Variants in PAPOLG observed in about 807,000 individuals in gnomAD.
The protein encoded by PAPOLG is PAP-gamma.
A neutral mutation model predicts 99.0 loss-of-function variants in PAPOLG; 40 were observed. The ratio of observed to expected loss-of-function variants is 0.40; its 90% CI spans 0.31 to 0.53. The LOEUF is 0.53. Among genes scored for constraint, PAPOLG ranks in the 20% least tolerant of loss-of-function variants. PAPOLG has a pLI of 0.41. For synonymous variants in PAPOLG, 310 were observed against 299.3 expected (o/e 1.04, Z -0.37); for missense variants, 675 against 884.1 (o/e 0.76, Z 3.00).
rs1671608452 is a variant in PAPOLG at position 60,793,626 on chromosome 2, G to C, written c.1680-1G>C. 1 of 1,612,808 alleles carries C rather than the reference G, an allele frequency of 6.2e-7. No individual in the cohort carries two copies. ...TGATGATAATTTAACACTTTCATTA[G>C]GAATAGTGCTGAGCCTGCTGCTGTA... is the stretch of plus-strand genomic sequence containing the variant. On this transcript the variant is annotated splice_acceptor_variant, in intron 17 of 21. Coordinates refer to ENST00000238714, the MANE Select transcript of PAPOLG (RefSeq NM_022894.4). LOFTEE classifies it high-confidence loss of function.
intron 3 of PAPOLG, among the ~76,000 whole-genome samples, chr2:60,764,812 G>T (rs185186941): frequency 1.2e-3 from 178 of 152,274 alleles, no homozygotes; most frequent in South Asian, 7.7e-3. Flanking sequence ...AGTGGGCTCA[G>T]AATAAAGTTG....
chr2:60,788,942 C>T (rs1267151809), intron 15 of PAPOLG, among the ~76,000 whole-genome samples: 2 of 151,956 alleles, frequency 1.3e-5, no homozygotes, highest in African/African-American at 2.4e-5. Flanking sequence ...TGCAGTGAGC[C>T]GAGATTGCGC....
In PAPOLG at chr2:60,788,598, G is replaced by C. The variant is rs575172705; in HGVS notation, c.1396+978G>C. On this transcript the variant is annotated intron_variant, in intron 15 of 21. Transcript: ENST00000238714. ...CCTCCCAAAAGTTCTGGGATTACAG[G>C]TGTGAGCCACCTCGCCTGGCTGAAT... Among the ~76,000 whole-genome samples, 4 of 152,286 alleles carry C rather than the reference G, an allele frequency of 2.6e-5. No homozygotes were observed. The East Asian group carries it at 5.8e-4, about 22-fold the overall frequency.
chr2:60,794,736 G>A lies in PAPOLG; in HGVS notation c.2016G>A (p.Lys672=), dbSNP rs202236383. Residue 672 remains lysine, a synonymous_variant, in exon 20 of 22, where the codon AAG becomes AAA. Coordinates refer to ENST00000238714, the MANE Select transcript of PAPOLG (RefSeq NM_022894.4). The part of the protein sequence containing the change: ...EKFIRLESTF[K]DPRTAEERKR... ...TTATTCGACTTGAATCAACATTTAA[G>A]GACCCCCGCACTGCTGAAGAAAGAA... 1.7e-5 allele frequency: 27 copies of A among 1,611,048 alleles called. No individual in the cohort carries two copies. Among genetic ancestry groups the A allele is most frequent in the Admixed American group, 5.0e-5 (3 of 59,936 alleles).
intron 21 of PAPOLG, among the ~76,000 whole-genome samples, chr2:60,795,678 T>G (rs186146395): frequency 1.6e-4 from 24 of 150,694 alleles, no homozygotes; most frequent in African/African-American, 5.6e-4. Flanking sequence ...ATGATGATAA[T>G]TATAAATTAT....
intron 5 of PAPOLG, among the ~76,000 whole-genome samples, chr2:60,769,284 A>C (rs761861121): frequency 6.6e-6 from 1 of 152,228 alleles, no homozygotes; most frequent in Non-Finnish European, 1.5e-5. Context: ...TATTATGTGT[A>C]AGGTTCAGTT....
rs767049879 is a variant in PAPOLG at position 60,792,158 on chromosome 2, G to A, written c.1548G>A (p.Ser516=). The A allele has an allele frequency of 1.1e-5, 18 of 1,591,442 alleles. No homozygotes were observed. The highest frequency in any genetic ancestry group is 8.1e-5 in the South Asian group (7 of 86,158). ...KQSLSDVNRS[S]GGLQSKRLSL... is the part of the protein sequence containing the mutation. Reference sequence around the variant, plus strand: ...GTCTCTCTGATGTCAATCGAAGCTCGGGCGGACTTCAATCCAAAAGATTGT... The same window carrying A: ...GTCTCTCTGATGTCAATCGAAGCTCAGGCGGACTTCAATCCAAAAGATTGT... The change falls in exon 17 of 22, where the codon TCG becomes TCA. Residue 516 remains serine, a synonymous_variant. Transcript: ENST00000238714.
rs1159409163 is a variant in PAPOLG at position 60,802,052 on chromosome 2, G to C, written c.*4892G>C. On this transcript the variant is annotated 3_prime_UTR_variant, in exon 22 of 22. Transcript: ENST00000238714. ...ACACATGAACCTCATTATTTGCCTG[G>C]AATAAGTAATCAAATAAAATTGCTT... 8 of 152,230 alleles carry C rather than the reference G, an allele frequency of 5.3e-5. No homozygotes were observed. Among genetic ancestry groups the C allele is most frequent in the African/African-American group, 1.9e-4 (8 of 41,404 alleles). The allele number at this position is 152,230 out of a possible 1,614,324, so 9.4% of individuals were successfully genotyped here.
In PAPOLG at chr2:60,768,388, C is replaced by T. The variant is rs1670748877; in HGVS notation, c.247-82C>T. On this transcript the variant is annotated intron_variant, in intron 3 of 21. Transcript: ENST00000238714. ...TAGTGCTGGGATTACAAGTGTGAGC[C>T]ACCATGCCCAGCCAACATTGAGGTG... is the stretch of plus-strand genomic sequence containing the variant. 5.0e-6 allele frequency: 7 copies of T among 1,413,094 alleles called. No homozygotes were observed. The South Asian group carries it at 7.4e-5, about 15-fold the overall frequency. 87.5% of individuals were successfully genotyped at this position (1,413,094 alleles called of 1,614,324 possible).
chr2:60,785,625 G>A (rs1390947349), intron 13 of PAPOLG, among the ~76,000 whole-genome samples: 6 of 151,320 alleles, frequency 4.0e-5, no homozygotes, highest in Non-Finnish European at 5.9e-5. Flanking sequence ...GGGATCAAGC[G>A]ATGCCTCCTG....
Position 60,787,568 on chromosome 2 carries a change from A to G in PAPOLG, c.1344A>G (p.Ala448=), listed in dbSNP as rs145672474. 1.5e-4 allele frequency: 243 copies of G among 1,614,174 alleles called. No homozygotes were observed. Among genetic ancestry groups the G allele is most frequent in the Admixed American group, 4.8e-4 (29 of 60,028 alleles). The part of the protein sequence containing the change: ...LGIIFRRVEN[A]ESVNIDLTYD... Reference sequence around the variant, plus strand: ...TAATTTTTCGGAGAGTAGAAAATGCAGAAAGTGTCAACATAGACTTGACAT... The same window carrying G: ...TAATTTTTCGGAGAGTAGAAAATGCGGAAAGTGTCAACATAGACTTGACAT... Residue 448 remains alanine, a synonymous_variant, in exon 15 of 22, where the codon GCA becomes GCG. Transcript: ENST00000238714.
intron 19 of PAPOLG, 89 bp downstream of exon 19, chr2:60,794,280 TGTTAG>T (rs1671633685): frequency 7.8e-7 from 1 of 1,282,026 alleles, no homozygotes; most frequent in African/African-American, 1.5e-5. Context: ...GTTGGTGTTC[TGTTAG>T]GAGTTGGCTG....
intron 7 of PAPOLG, among the ~76,000 whole-genome samples, chr2:60,773,490 T>C (rs914847335): frequency 6.6e-6 from 1 of 152,222 alleles, no homozygotes; most frequent in African/African-American, 2.4e-5. Flanking sequence ...ATAAAAATGA[T>C]AGTTTCTTAA....
At chr2:60,796,222 TTTTTTTTTTTTTG>T (rs1223149969) in intron 21 of PAPOLG, among the ~76,000 whole-genome samples, 13 of 111,344 alleles carry the variant, frequency 1.2e-4, no homozygotes, top group Non-Finnish European at 2.4e-4. Context: ...TTTTTTTTTT[TTTTTTTTTTTTTG>T]GACATGGAGG....
chr2:60,786,825 C>G, intron 13 of PAPOLG, 122 bp from the exon 14 acceptor site: 3 of 1,217,954 alleles, frequency 2.5e-6, no homozygotes, highest in African/African-American at 1.5e-5. Context: ...CCACCATGCC[C>G]AGCCCGAAGT....
intron 3 of PAPOLG, among the ~76,000 whole-genome samples, chr2:60,763,198 T>C (rs1670573973): frequency 2.0e-5 from 3 of 152,042 alleles, no homozygotes; most frequent in Admixed American, 2.0e-4. Context: ...CACCTCAGCC[T>C]CCTGAATAGC....
rs375522209 is a variant in PAPOLG, at chr2:60,792,295, T to G, written c.1679+6T>G. 1 of 1,589,260 alleles carries G rather than the reference T, an allele frequency of 6.3e-7. No homozygotes were observed. The highest frequency in any genetic ancestry group is 8.5e-7 in the Non-Finnish European group (1 of 1,170,378). On this transcript the variant is annotated splice_donor_region_variant and intron_variant, in intron 17 of 21. Transcript: ENST00000238714. ...TCTGTAGGAGAAACAGAAAGGTCTG[T>G]CTTTATTTCAAATGTGTCCTTTTGG...
rs2103836447 is a variant in PAPOLG, at chr2:60,798,474, T to C, written c.*1314T>C. The C allele has an allele frequency of 6.5e-6, 1 of 152,914 alleles. No individual in the cohort carries two copies. The highest frequency in any genetic ancestry group is 1.5e-5 in the Non-Finnish European group (1 of 68,040). The allele number at this position is 152,914 out of a possible 1,614,324, so 9.5% of individuals were successfully genotyped here. On this transcript the variant is annotated 3_prime_UTR_variant, in exon 22 of 22. Coordinates refer to ENST00000238714, the MANE Select transcript of PAPOLG (RefSeq NM_022894.4). ...AGAGAAACGTTTAAAACCTTTATTGTCTCTCCTTAGTCTAATTTTTTAAAT... is the reference window on the plus strand; with the variant it reads ...AGAGAAACGTTTAAAACCTTTATTGCCTCTCCTTAGTCTAATTTTTTAAAT...
At chr2:60,768,390 C>T in intron 3 of PAPOLG, 80 bp from the exon 4 acceptor site, 1 of 1,439,964 alleles carries the variant, frequency 6.9e-7, no homozygotes, top group Non-Finnish European at 9.7e-7. Flanking sequence ...GTGTGAGCCA[C>T]CATGCCCAGC....
Sources: allele counts gnomAD v4.1 joint callset (sites outside exome capture counted in the v4.1 genomes callset), GRCh38; gene constraint gnomAD v4.1.1; transcripts MANE v1.5; gene names NCBI Gene and HGNC (gene_info 2026-07-23, HGNC 2026-07-21).